The following SGMS1 variants were observed in gnomAD, a reference collection of about 807,000 sequenced individuals.
SGMS1 encodes phosphatidylcholine:ceramide cholinephosphotransferase 1.
A neutral mutation model predicts 46.2 loss-of-function variants in SGMS1; 13 were observed. The observed-to-expected ratio is 0.28, with a 90% CI of 0.18 to 0.45. SGMS1 has a LOEUF of 0.45. Ranked by LOEUF, SGMS1 falls within the 20% of genes least tolerant of loss-of-function variation. The pLI, the probability that SGMS1 is intolerant of heterozygous loss-of-function variation, is 1.00. For synonymous variants in SGMS1, 203 were observed against 187.8 expected (o/e 1.08, Z -0.66); for missense variants, 324 against 519.9 (o/e 0.62, Z 3.66).
intron 6 of SGMS1, among the ~76,000 whole-genome samples, chr10:50,345,612 C>T (rs2133366084): frequency 6.6e-6 from 1 of 152,242 alleles, no homozygotes; most frequent in Non-Finnish European, 1.5e-5. Context: ...AACTATGGTA[C>T]ACAGGTTGAG....
At chr10:50,402,245 T>G (rs1848951703) in intron 6 of SGMS1, among the ~76,000 whole-genome samples, 1 of 152,228 alleles carries the variant, frequency 6.6e-6, no homozygotes, top group African/African-American at 2.4e-5. Flanking sequence ...GAGGTTCAAT[T>G]ATTTTTGCAT....
intron 6 of SGMS1, among the ~76,000 whole-genome samples, chr10:50,368,421 AT>A (rs1848384048): frequency 1.3e-5 from 2 of 152,114 alleles, no homozygotes; most frequent in Non-Finnish European, 2.9e-5. Flanking sequence ...CAATGGTGCG[AT>A]CTTGGCTTAC....
At chr10:50,401,756 C>T (rs1488197183) in intron 6 of SGMS1, among the ~76,000 whole-genome samples, 2 of 152,172 alleles carry the variant, frequency 1.3e-5, no homozygotes, top group Non-Finnish European at 2.9e-5. Context: ...CAACAAAGCA[C>T]CAAGGTCTCA....
At chr10:50,550,089 T>C (rs1488110844) in intron 2 of SGMS1, among the ~76,000 whole-genome samples, 2 of 152,218 alleles carry the variant, frequency 1.3e-5, no homozygotes, top group Admixed American at 6.5e-5. Context: ...CTTTCCAAAC[T>C]GGGTGGAGTT....
At chr10:50,498,678 T>C (rs1377530859) in intron 3 of SGMS1, among the ~76,000 whole-genome samples, 2 of 152,372 alleles carry the variant, frequency 1.3e-5, no homozygotes, top group South Asian at 2.1e-4. Flanking sequence ...TTCCATTGTA[T>C]GCAAACATCC....
chr10:50,486,694 C>T (rs1277108926), intron 3 of SGMS1, among the ~76,000 whole-genome samples: 7 of 152,188 alleles, frequency 4.6e-5, no homozygotes, highest in Non-Finnish European at 8.8e-5. Context: ...GATAGAAGTG[C>T]TTTTACACTG....
chr10:50,309,309 T>C (rs761197071), intron 9 of SGMS1, among the ~76,000 whole-genome samples: 10 of 152,186 alleles, frequency 6.6e-5, no homozygotes, highest in Admixed American at 1.3e-4. Context: ...AGTATCCATA[T>C]ATGCCATCTA....
At chr10:50,600,708 C>A (rs1838641904) in intron 1 of SGMS1, among the ~76,000 whole-genome samples, 1 of 152,198 alleles carries the variant, frequency 6.6e-6, no homozygotes, top group African/African-American at 2.4e-5. Context: ...ATTTCTTATC[C>A]ATTTCTATTC....
At chr10:50,425,947 A>G (rs1483879839) in intron 6 of SGMS1, among the ~76,000 whole-genome samples, 1 of 152,214 alleles carries the variant, frequency 6.6e-6, no homozygotes, top group Non-Finnish European at 1.5e-5. Context: ...ATCCAAAAAT[A>G]TATGTACAAA....
intron 3 of SGMS1, among the ~76,000 whole-genome samples, chr10:50,490,285 G>T (rs1486797812): frequency 6.6e-6 from 1 of 152,170 alleles, no homozygotes; most frequent in Non-Finnish European, 1.5e-5. Flanking sequence ...AGTTTGATTA[G>T]TGTTGATTAA....
At chr10:50,563,866 C>T (rs1048433319) in intron 2 of SGMS1, among the ~76,000 whole-genome samples, 1 of 151,758 alleles carries the variant, frequency 6.6e-6, no homozygotes, top group African/African-American at 2.4e-5. Flanking sequence ...ATTACACTTG[C>T]GTGTGCTATG....
intron 3 of SGMS1, among the ~76,000 whole-genome samples, chr10:50,468,451 TGTAAA>T (rs1337860287): frequency 6.6e-6 from 1 of 152,212 alleles, no homozygotes; most frequent in South Asian, 2.1e-4. Flanking sequence ...TTTTGTCACT[TGTAAA>T]GTAAGCCCAC....
intron 6 of SGMS1, among the ~76,000 whole-genome samples, chr10:50,376,658 C>T (rs900687229): frequency 6.6e-6 from 1 of 152,138 alleles, no homozygotes; most frequent in Non-Finnish European, 1.5e-5. Flanking sequence ...GTTCAATTCC[C>T]ACCTATGAGT....
chr10:50,588,784 C>T (rs1004512145), intron 2 of SGMS1, among the ~76,000 whole-genome samples: 10 of 129,692 alleles, frequency 7.7e-5, no homozygotes, highest in Non-Finnish European at 1.1e-4. Context: ...GACTGGAGTG[C>T]AGAGGCGTGA....
chr10:50,368,336 C>T (rs1848382096), intron 6 of SGMS1, among the ~76,000 whole-genome samples: 1 of 152,048 alleles, frequency 6.6e-6, no homozygotes, highest in African/African-American at 2.4e-5. Flanking sequence ...TTTATTCTTG[C>T]TTTATACTAA....
chr10:50,480,517 C>T (rs1247563147), intron 3 of SGMS1, among the ~76,000 whole-genome samples: 1 of 152,128 alleles, frequency 6.6e-6, no homozygotes, highest in Non-Finnish European at 1.5e-5. Flanking sequence ...AGCCATGGCA[C>T]ACCCAGGAGC....
At chr10:50,396,526 G>A (rs78829887) in intron 6 of SGMS1, among the ~76,000 whole-genome samples, 3,595 of 152,254 alleles carry the variant, frequency 0.024, 56 homozygotes, top group Non-Finnish European at 0.037. Flanking sequence ...ATCTTAAGAC[G>A]AATTAGTTAC....
At chr10:50,549,701 A>T (rs1299716073) in intron 2 of SGMS1, among the ~76,000 whole-genome samples, 2 of 152,196 alleles carry the variant, frequency 1.3e-5, no homozygotes, top group Non-Finnish European at 2.9e-5. Flanking sequence ...AACTTGAAGA[A>T]AAAAAGGTAA....
At chr10:50,414,362 C>T (rs940930651) in intron 6 of SGMS1, among the ~76,000 whole-genome samples, 1 of 152,208 alleles carries the variant, frequency 6.6e-6, no homozygotes, top group African/African-American at 2.4e-5. Flanking sequence ...TGCACTCCAG[C>T]CTGGGCAACA....
Sources: gnomAD v4.1 joint callset for allele counts (sites outside exome capture counted in the v4.1 genomes callset) on GRCh38, gnomAD v4.1.1 for gene constraint, MANE v1.5 for transcripts, NCBI Gene and HGNC (gene_info 2026-07-23, HGNC 2026-07-21) for gene names.